GATA2: variants seen among roughly 807,000 people sequenced by gnomAD.
GATA2 encodes the protein endothelial transcription factor GATA-2.
GATA2 carries 6 observed loss-of-function variants against 35.7 expected under a neutral mutation model. The ratio of observed to expected loss-of-function variants is 0.17; its 90% CI spans 0.09 to 0.33. The LOEUF is 0.33. Among genes scored for constraint, GATA2 ranks in the 10% least tolerant of loss-of-function variants. The pLI, the probability that GATA2 is intolerant of heterozygous loss-of-function variation, is 1.00. For synonymous variants in GATA2, 313 were observed against 274.9 expected (o/e 1.14, Z -1.37); for missense variants, 541 against 656.6 (o/e 0.82, Z 1.92).
At chr3:128,484,745 G>A (rs1031730774) in intron 3 of GATA2, among the ~76,000 whole-genome samples, 1 of 152,110 alleles carries the variant, frequency 6.6e-6, no homozygotes, top group Non-Finnish European at 1.5e-5. Flanking sequence ...ACGGGTCTGA[G>A]CAGAACTAGG....
Position 128,492,929 on chromosome 3 carries a change from G to A in GATA2, c.-76C>T, listed in dbSNP as rs2107677982. 6.6e-6 allele frequency: 1 copy of A among 152,620 alleles called. No individual in the cohort carries two copies. Among genetic ancestry groups the A allele is most frequent in the Admixed American group, 6.5e-5 (1 of 15,300 alleles). 9.5% of individuals were successfully genotyped at this position (152,620 alleles called of 1,614,324 possible). A position where few individuals can be genotyped will look rare whatever the true frequency, so the allele number is the denominator to read the frequency against. On this transcript the variant is annotated 5_prime_UTR_variant, in exon 1 of 6. Transcript: ENST00000341105. ...GAGGCGCGGTGGGCGGCGCCCCCGG[G>A]CGGACGGGGCCTGGAGTAGAGCTGG...
Position 128,486,382 on chromosome 3 carries a change from G to A in GATA2, c.230-14C>T, listed in dbSNP as rs1041005511. 2.9e-5 allele frequency: 47 copies of A among 1,595,180 alleles called. No individual in the cohort carries two copies. In the East Asian group the frequency reaches 1.1e-3, roughly 36 times the overall value. On this transcript the variant is annotated splice_polypyrimidine_tract_variant and intron_variant, in intron 2 of 5. Transcript: ENST00000341105. ...CGGTCAGGCGGGCTGCGGGCAAAGA[G>A]AGAGAGGATCAGGGTGGGCAGAAAG...
Position 128,480,864 on chromosome 3 carries a change from T to C in GATA2, c.*155A>G. On this transcript the variant is annotated 3_prime_UTR_variant, in exon 6 of 6. Transcript: ENST00000341105. ...TCTCAGCGGTGGGGAACATTCACAG[T>C]AACTGCTGGCAGGCTGCTGGGCGCC... 1.2e-6 allele frequency: 1 copy of C among 816,624 alleles called. No individual in the cohort carries two copies. The highest frequency in any genetic ancestry group is 3.0e-5 in the Admixed American group (1 of 33,542). 50.6% of individuals were successfully genotyped at this position (816,624 alleles called of 1,614,324 possible). A position where few individuals can be genotyped will look rare whatever the true frequency, so the allele number is the denominator to read the frequency against.
chr3:128,492,389 G>C (rs1012245070), intron 1 of GATA2, among the ~76,000 whole-genome samples: 2 of 152,164 alleles, frequency 1.3e-5, no homozygotes, highest in African/African-American at 4.8e-5. Context: ...TTCCAGACCC[G>C]GCGCTCTCCC....
intron 4 of GATA2, among the ~76,000 whole-genome samples, chr3:128,482,996 G>A (rs1017462864): frequency 1.3e-5 from 2 of 152,210 alleles, no homozygotes; most frequent in Non-Finnish European, 2.9e-5. Context: ...AGCCGCGGGG[G>A]CAGGGAGGGG....
rs201155045 is a variant in GATA2, at chr3:128,481,176, C to G, written c.1286G>C (p.Ser429Thr). Reference sequence around the variant, plus strand: ...CATGTGTCCAGCCAGGGCAGCTGCACTGAAGGGGGATGACTTCTCCTGCAT... The same window carrying G: ...CATGTGTCCAGCCAGGGCAGCTGCAGTGAAGGGGGATGACTTCTCCTGCAT... Reference protein sequence around the residue: ...KCMQEKSSPFSAAALAGHMAP... With the variant: ...KCMQEKSSPFTAAALAGHMAP... Residue 429 changes from serine to threonine, a missense_variant, in exon 6 of 6, where the codon AGT becomes ACT. Coordinates refer to ENST00000341105, the MANE Select transcript of GATA2 (RefSeq NM_032638.5). The G allele has an allele frequency of 1.7e-5, 28 of 1,614,238 alleles. No homozygotes were observed. In the East Asian group the frequency reaches 5.1e-4, roughly 30 times the overall value.
intron 4 of GATA2, 37 bp downstream of exon 4, chr3:128,483,823 C>G: frequency 6.2e-7 from 1 of 1,613,992 alleles, no homozygotes; most frequent in Non-Finnish European, 8.5e-7. Flanking sequence ...AGCTCCTGCC[C>G]AGCAGCCCCC....
At chr3:128,483,230 A>G (rs2068653092) in intron 4 of GATA2, among the ~76,000 whole-genome samples, 1 of 152,244 alleles carries the variant, frequency 6.6e-6, no homozygotes, top group South Asian at 2.1e-4. Flanking sequence ...AGAAATTTCA[A>G]AACAGCCCAG....
chr3:128,480,636 C>T lies in GATA2; in HGVS notation c.*383G>A. ...GGAAGAACCGGAGGACTTGGGACAG[C>T]TCAGACCACCAAGTCTCCAAGTCCT... is the stretch of plus-strand genomic sequence containing the variant. On this transcript the variant is annotated 3_prime_UTR_variant, in exon 6 of 6. Coordinates refer to ENST00000341105, the MANE Select transcript of GATA2 (RefSeq NM_032638.5). 3.4e-6 allele frequency: 1 copy of T among 294,618 alleles called. No homozygotes were observed. The highest frequency in any genetic ancestry group is 6.3e-6 in the Non-Finnish European group (1 of 157,664). 18.3% of individuals were successfully genotyped at this position (294,618 alleles called of 1,614,324 possible). A position where few individuals can be genotyped will look rare whatever the true frequency, so the allele number is the denominator to read the frequency against.
At chr3:128,483,753 G>A (rs1023801563) in intron 4 of GATA2, 107 bp downstream of exon 4, 2 of 1,435,378 alleles carry the variant, frequency 1.4e-6, no homozygotes, top group African/African-American at 1.4e-5. Context: ...GATAAAAGAG[G>A]ATTTCAAGCG....
chr3:128,481,428 C>T, intron 5 of GATA2, 110 bp from the exon 6 acceptor site: 1 of 1,245,846 alleles, frequency 8.0e-7, no homozygotes, highest in Non-Finnish European at 1.2e-6. Context: ...TCCCAGGAAG[C>T]CAGGAATTGT....
intron 5 of GATA2, 64 bp from the exon 6 acceptor site, chr3:128,481,382 G>A (rs566067348): frequency 4.9e-5 from 77 of 1,560,202 alleles, no homozygotes; most frequent in Non-Finnish European, 6.0e-5. Context: ...CTCCCACCCC[G>A]CCACAGCGTG....
At chr3:128,485,512 G>A (rs931595248) in intron 3 of GATA2, among the ~76,000 whole-genome samples, 1 of 152,118 alleles carries the variant, frequency 6.6e-6, no homozygotes, top group African/African-American at 2.4e-5. Flanking sequence ...GAACTTTGGG[G>A]GTACACTGGA....
rs916833024 is a variant in GATA2 at position 128,483,335 on chromosome 3, G to T, written c.1017+525C>A. ...CTTATCTTCAGGCTGCAGATGTCCGGATAGGAAACTCCGGCAGGAGATCCG... is the reference window on the plus strand; with the variant it reads ...CTTATCTTCAGGCTGCAGATGTCCGTATAGGAAACTCCGGCAGGAGATCCG... On this transcript the variant is annotated intron_variant, in intron 4 of 5. Coordinates refer to ENST00000341105, the MANE Select transcript of GATA2 (RefSeq NM_032638.5). Among the ~76,000 whole-genome samples, 1 of 152,156 alleles carries T rather than the reference G, an allele frequency of 6.6e-6. No individual in the cohort carries two copies. The highest frequency in any genetic ancestry group is 1.5e-5 in the Non-Finnish European group (1 of 68,032).
At chr3:128,481,977 C>T (rs1335935908) in intron 4 of GATA2, 33 bp from the exon 5 acceptor site, 2 of 1,609,972 alleles carry the variant, frequency 1.2e-6, no homozygotes, top group Non-Finnish European at 1.7e-6. Context: ...GCAGGCTGGA[C>T]TCCCACGCCC....
chr3:128,492,669 G>A (rs1302057918), intron 1 of GATA2, among the ~76,000 whole-genome samples: 2 of 152,316 alleles, frequency 1.3e-5, no homozygotes, highest in East Asian at 3.9e-4. Context: ...CTGTGGCTCC[G>A]AGAAATGGGA....
intron 1 of GATA2, chr3:128,490,142 T>A (rs1222653218): frequency 6.6e-6 from 1 of 152,148 alleles, no homozygotes; most frequent in Non-Finnish European, 1.5e-5. Context: ...GTATTCCCAG[T>A]TTCAGCGCAG....
intron 4 of GATA2, among the ~76,000 whole-genome samples, chr3:128,483,650 C>T (rs577220998): frequency 1.3e-5 from 2 of 152,250 alleles, no homozygotes; most frequent in East Asian, 1.9e-4. Context: ...CAAGGGTGCC[C>T]GGTGGGCTCC....
chr3:128,480,695 C>T lies in GATA2; in HGVS notation c.*324G>A. On this transcript the variant is annotated 3_prime_UTR_variant, in exon 6 of 6. Transcript: ENST00000341105. ...ACAAGAGCAAAATAAATTATTTTTG[C>T]CTAATCCTTTTTCCTTCTAAAAATG... 1 of 366,790 alleles carries T rather than the reference C, an allele frequency of 2.7e-6. No individual in the cohort carries two copies. Among genetic ancestry groups the T allele is most frequent in the Non-Finnish European group, 4.9e-6 (1 of 203,636 alleles). The allele number at this position is 366,790 out of a possible 1,614,324, so 22.7% of individuals were successfully genotyped here.
Sources: gnomAD v4.1 joint callset for allele counts (sites outside exome capture counted in the v4.1 genomes callset) on GRCh38, gnomAD v4.1.1 for gene constraint, MANE v1.5 for transcripts, NCBI Gene and HGNC (gene_info 2026-07-23, HGNC 2026-07-21) for gene names.